Variants in UBE2G1 observed in about 807,000 individuals in gnomAD.
The protein encoded by UBE2G1 is ubiquitin conjugating enzyme E2 G1.
A neutral mutation model predicts 22.7 loss-of-function variants in UBE2G1; 5 were observed. The ratio of observed to expected loss-of-function variants is 0.22; its 90% confidence interval spans 0.12 to 0.46. UBE2G1 has a LOEUF of 0.46. Among genes scored for constraint, UBE2G1 ranks in the 20% least tolerant of loss-of-function variants. The pLI, the probability that UBE2G1 is intolerant of heterozygous loss-of-function variation, is 0.99. For synonymous variants in UBE2G1, 74 were observed against 67.5 expected (o/e 1.10, Z -0.47); for missense variants, 88 against 203.9 (o/e 0.43, Z 3.46).
intron 1 of UBE2G1, among the ~76,000 whole-genome samples, chr17:4,343,698 C>G (rs1969737060): frequency 2.0e-5 from 3 of 151,936 alleles, no homozygotes; most frequent in Non-Finnish European, 4.4e-5. Context: ...ACGCCATTCT[C>G]CTGCCTCAGC....
intron 1 of UBE2G1, among the ~76,000 whole-genome samples, chr17:4,317,214 G>T (rs1969385672): frequency 6.6e-6 from 1 of 152,208 alleles, no homozygotes; most frequent in African/African-American, 2.4e-5. Context: ...GCCAGGCGTG[G>T]TAGCGGGTGC....
chr17:4,327,850 A>G (rs967623718), intron 1 of UBE2G1, among the ~76,000 whole-genome samples: 24 of 152,290 alleles, frequency 1.6e-4, no homozygotes, highest in African/African-American at 5.8e-4. Context: ...ATTCCTCCCA[A>G]TACAGTACTC....
chr17:4,353,252 G>T (rs1392113203), intron 1 of UBE2G1, among the ~76,000 whole-genome samples: 1 of 151,874 alleles, frequency 6.6e-6, no homozygotes, highest in Non-Finnish European at 1.5e-5. Context: ...AACTTTGAAA[G>T]AAAAATAAGG....
At chr17:4,343,235 A>C (rs1182368022) in intron 1 of UBE2G1, among the ~76,000 whole-genome samples, 1 of 152,246 alleles carries the variant, frequency 6.6e-6, no homozygotes, top group Non-Finnish European at 1.5e-5. Flanking sequence ...TTAAATTCAA[A>C]GTACCAACAT....
intron 1 of UBE2G1, among the ~76,000 whole-genome samples, chr17:4,316,942 A>AAT (rs1208205001): frequency 1.4e-5 from 2 of 147,776 alleles, no homozygotes; most frequent in Non-Finnish European, 3.0e-5. Context: ...CTTGAATAAA[A>AAT]AAAAAAAAAA....
chr17:4,344,850 C>G (rs1969751557), intron 1 of UBE2G1, among the ~76,000 whole-genome samples: 1 of 152,074 alleles, frequency 6.6e-6, no homozygotes, highest in Non-Finnish European at 1.5e-5. Flanking sequence ...TACAGAGACT[C>G]TGTCCCTAAA....
chr17:4,351,409 AC>A (rs1969843553), intron 1 of UBE2G1, among the ~76,000 whole-genome samples: 1 of 152,232 alleles, frequency 6.6e-6, no homozygotes. Context: ...CCACTGCTGC[AC>A]CTGCAAGAGT....
At chr17:4,285,428 C>A (rs1968950782) in intron 4 of UBE2G1, among the ~76,000 whole-genome samples, 1 of 151,970 alleles carries the variant, frequency 6.6e-6, no homozygotes, top group African/African-American at 2.4e-5. Flanking sequence ...ATATTAGAAA[C>A]AAAGTATCAA....
rs1970035946 is a variant in UBE2G1 at position 4,366,379 on chromosome 17, G to A, written c.-63C>T. ...CGAAGGGCTGGGGACAGGCTCTGGG[G>A]GCGGCTGGAGCGGGGTGTGCCGAGG... On this transcript the variant is annotated 5_prime_UTR_variant, in exon 1 of 6. Transcript: ENST00000396981. The A allele has an allele frequency of 2.8e-6, 4 of 1,418,816 alleles. No individual in the cohort carries two copies. The highest frequency in any genetic ancestry group is 1.5e-5 in the African/African-American group (1 of 67,186). 87.9% of individuals were successfully genotyped at this position (1,418,816 alleles called of 1,614,324 possible).
At chr17:4,366,050 A>G (rs76655185) in intron 1 of UBE2G1, among the ~76,000 whole-genome samples, 2 of 151,808 alleles carry the variant, frequency 1.3e-5, no homozygotes, top group East Asian at 2.0e-4. Flanking sequence ...CGCCAGGCCC[A>G]GTCCCTGGGC....
chr17:4,279,864 GAAAAT>G (rs1567513733), intron 5 of UBE2G1, among the ~76,000 whole-genome samples: 1 of 134,866 alleles, frequency 7.4e-6, no homozygotes, highest in East Asian at 2.1e-4. Flanking sequence ...ATACCACAAA[GAAAAT>G]AAAAGGACAA....
intron 1 of UBE2G1, among the ~76,000 whole-genome samples, chr17:4,328,527 G>C: frequency 6.6e-6 from 1 of 152,152 alleles, no homozygotes; most frequent in East Asian, 1.9e-4. Flanking sequence ...GACTACTGCA[G>C]AGGAGAAGGC....
intron 4 of UBE2G1, among the ~76,000 whole-genome samples, chr17:4,284,311 C>A (rs1302399382): frequency 6.6e-6 from 1 of 151,642 alleles, no homozygotes; most frequent in African/African-American, 2.4e-5. Flanking sequence ...ATAATTAGAA[C>A]CGCTAGGCTG....
chr17:4,340,207 TACC>T (rs1969695542), intron 1 of UBE2G1, among the ~76,000 whole-genome samples: 1 of 152,220 alleles, frequency 6.6e-6, no homozygotes, highest in African/African-American at 2.4e-5. Context: ...AGGCATGAGC[TACC>T]ATGCCCAACC....
At chr17:4,355,217 T>C (rs1411231593) in intron 1 of UBE2G1, among the ~76,000 whole-genome samples, 1 of 151,592 alleles carries the variant, frequency 6.6e-6, no homozygotes, top group Non-Finnish European at 1.5e-5. Context: ...GGCCATGGCT[T>C]ATCTCAAACT....
intron 1 of UBE2G1, among the ~76,000 whole-genome samples, chr17:4,320,282 G>A (rs1969422511): frequency 6.6e-6 from 1 of 152,152 alleles, no homozygotes; most frequent in South Asian, 2.1e-4. Flanking sequence ...CTGGACATCA[G>A]GAAGTCAGTG....
At chr17:4,359,322 TA>T (rs1969941165) in intron 1 of UBE2G1, among the ~76,000 whole-genome samples, 1 of 151,892 alleles carries the variant, frequency 6.6e-6, no homozygotes, top group African/African-American at 2.4e-5. Context: ...AATAGAAGAG[TA>T]AATAAGAATA....
chr17:4,299,338 G>A (rs765802768), intron 2 of UBE2G1, among the ~76,000 whole-genome samples: 20 of 152,132 alleles, frequency 1.3e-4, no homozygotes, highest in Non-Finnish European at 2.2e-4. Context: ...GGTGGAGGGT[G>A]CAGTGAGCCA....
At chr17:4,331,353 A>AC (rs2143778233) in intron 1 of UBE2G1, among the ~76,000 whole-genome samples, 1 of 152,330 alleles carries the variant, frequency 6.6e-6, no homozygotes, top group Admixed American at 6.5e-5. Context: ...TAATTTGAAA[A>AC]CCCAGAAGTC....
Sources: allele counts gnomAD v4.1 joint callset (sites outside exome capture counted in the v4.1 genomes callset), GRCh38; gene constraint gnomAD v4.1.1; transcripts MANE v1.5; gene names NCBI Gene and HGNC (gene_info 2026-07-23, HGNC 2026-07-21).